STPG2: variants seen among roughly 807,000 people sequenced by gnomAD.
STPG2 encodes the protein sperm tail PG-rich repeat containing 2, also known as sperm-tail PG-rich repeat-containing protein 2.
STPG2 carries 56 observed loss-of-function variants against 54.2 expected under a neutral mutation model. That is an observed-to-expected ratio of 1.03 (90% confidence interval 0.83 to 1.29). STPG2 has a LOEUF of 1.29. Among genes scored for constraint, STPG2 ranks in the 50% most tolerant of loss-of-function variants. The probability of loss-of-function intolerance (pLI) is 0.00; values close to 1 mark genes in which losing one functional copy is unlikely to be tolerated. For synonymous variants in STPG2, 200 were observed against 181.8 expected (o/e 1.10, Z -0.81); for missense variants, 596 against 544.9 (o/e 1.09, Z -0.93).
In STPG2 at chr4:98,036,210, G is replaced by A. The variant is rs181663215; in HGVS notation, c.613-54892C>T. Among the ~76,000 whole-genome samples, 986 of 152,200 alleles carry A rather than the reference G, an allele frequency of 6.5e-3. 5 individuals are homozygous for A. The highest frequency in any genetic ancestry group is 9.6e-3 in the Non-Finnish European group (655 of 68,002). The stretch of plus-strand genomic sequence containing the variant: ...AGGAACACTTATACACTGTTGGTGC[G>A]ACTGTAAATTAGTTCAGCCATTGTG... On this transcript the variant is annotated intron_variant, in intron 5 of 10. Transcript: ENST00000295268.
chr4:97,805,493 G>A (rs565881980), intron 9 of STPG2, among the ~76,000 whole-genome samples: 2 of 152,174 alleles, frequency 1.3e-5, no homozygotes, highest in Non-Finnish European at 2.9e-5. Context: ...TTACAGGCGT[G>A]AGCCACCGCA....
chr4:97,628,464 A>G lies in STPG2; in HGVS notation c.1321-69347T>C, dbSNP rs146748444. Among the ~76,000 whole-genome samples the G allele has an allele frequency of 7.4e-3, 1,125 of 152,288 alleles. 11 individuals carry two copies. Among genetic ancestry groups the G allele is most frequent in the Non-Finnish European group, 0.011 (729 of 67,990 alleles). ...TTACCAAAACTAAACTGAAAGTTTG[A>G]AAGTCTGAAGAAATGGAAACTAAAT... On this transcript the variant is annotated intron_variant, in intron 10 of 10. Coordinates refer to ENST00000295268, the MANE Select transcript of STPG2 (RefSeq NM_174952.3).
intron 5 of STPG2, among the ~76,000 whole-genome samples, chr4:98,076,333 C>G (rs1220462201): frequency 8.4e-6 from 1 of 119,388 alleles, no homozygotes; most frequent in African/African-American, 3.3e-5. Flanking sequence ...CCAGATTAAT[C>G]TGTAAAAGTC....
rs1453881737 is a variant in STPG2 at position 97,686,322 on chromosome 4, T to A, written c.1320+26377A>T. Among the ~76,000 whole-genome samples the A allele has an allele frequency of 4.6e-5, 7 of 152,032 alleles. 1 individual carries two copies. On this transcript the variant is annotated intron_variant, in intron 10 of 10. Coordinates refer to ENST00000295268, the MANE Select transcript of STPG2 (RefSeq NM_174952.3). ...TATTGATCCTGGAGGGCTCATTTGATTTTTTGCCCCACACCCGTAGGAAAC... is the reference window on the plus strand; with the variant it reads ...TATTGATCCTGGAGGGCTCATTTGAATTTTTGCCCCACACCCGTAGGAAAC...
rs1455966743 is a variant in STPG2 at position 97,736,259 on chromosome 4, C to T, written c.1205-23445G>A. ...ATGGCCGAATAGGAACAGCTCCAGTCTACAGCTACCAGTGTGAGCGACGCA... is the reference window on the plus strand; with the variant it reads ...ATGGCCGAATAGGAACAGCTCCAGTTTACAGCTACCAGTGTGAGCGACGCA... On this transcript the variant is annotated intron_variant, in intron 9 of 10. Coordinates refer to ENST00000295268, the MANE Select transcript of STPG2 (RefSeq NM_174952.3). Among the ~76,000 whole-genome samples, 7 of 152,212 alleles carry T rather than the reference C, an allele frequency of 4.6e-5. No individual in the cohort carries two copies. The East Asian group carries it at 1.2e-3, about 25-fold the overall frequency.
At chr4:97,521,325 C>A (rs185988027) in intron 4 of STPG2, among the ~76,000 whole-genome samples, 1 of 151,856 alleles carries the variant, frequency 6.6e-6, no homozygotes, top group African/African-American at 2.4e-5. Flanking sequence ...AGAAATTTGC[C>A]GGGTCAATCT....
intron 5 of STPG2, among the ~76,000 whole-genome samples, chr4:98,071,796 A>G (rs976539939): frequency 6.6e-6 from 1 of 152,354 alleles, no homozygotes; most frequent in Non-Finnish European, 1.5e-5. Context: ...GTCAACAAAC[A>G]TATGAAAAAA....
At chr4:97,514,520 A>C (rs1731035767) in intron 4 of STPG2, among the ~76,000 whole-genome samples, 1 of 152,140 alleles carries the variant, frequency 6.6e-6, no homozygotes, top group African/African-American at 2.4e-5. Flanking sequence ...AAGAAAAAGT[A>C]AATTGCATTT....
chr4:97,629,053 T>G (rs1217053760), intron 10 of STPG2, among the ~76,000 whole-genome samples: 1 of 152,024 alleles, frequency 6.6e-6, no homozygotes, highest in Non-Finnish European at 1.5e-5. Flanking sequence ...TATTCATTTG[T>G]ATATGCATAA....
chr4:97,726,639 C>T (rs1199955282), intron 9 of STPG2, among the ~76,000 whole-genome samples: 2 of 151,862 alleles, frequency 1.3e-5, no homozygotes, highest in East Asian at 3.9e-4. Context: ...TTTGGTGCCA[C>T]AGAAAGAAAA....
chr4:97,932,973 T>C (rs574869068), intron 8 of STPG2, among the ~76,000 whole-genome samples: 1 of 152,294 alleles, frequency 6.6e-6, no homozygotes, highest in South Asian at 2.1e-4. Flanking sequence ...AACTAATTTA[T>C]ATTCCCACCA....
At chr4:97,901,239 A>G (rs1185112476) in intron 8 of STPG2, among the ~76,000 whole-genome samples, 2 of 151,996 alleles carry the variant, frequency 1.3e-5, no homozygotes, top group Non-Finnish European at 2.9e-5. Context: ...CATCATACTC[A>G]ATGGGGAAAA....
chr4:97,495,714 A>G (rs1386509995), intron 4 of STPG2, among the ~76,000 whole-genome samples: 3 of 150,434 alleles, frequency 2.0e-5, no homozygotes, highest in African/African-American at 7.3e-5. Context: ...TCAAGACAAA[A>G]AAAAAAAAAA....
intron 10 of STPG2, among the ~76,000 whole-genome samples, chr4:97,603,599 A>G (rs1317278299): frequency 6.6e-6 from 1 of 151,414 alleles, no homozygotes; most frequent in Non-Finnish European, 1.5e-5. Flanking sequence ...AATGTGATAT[A>G]TCTATATATA....
chr4:97,507,599 T>C (rs914238066), intron 4 of STPG2, among the ~76,000 whole-genome samples: 4 of 152,054 alleles, frequency 2.6e-5, no homozygotes, highest in African/African-American at 7.2e-5. Context: ...CTGCAAGCCC[T>C]AGTGGGTCCC....
At chr4:97,910,227 G>A (rs1731626076) in intron 8 of STPG2, among the ~76,000 whole-genome samples, 1 of 152,204 alleles carries the variant, frequency 6.6e-6, no homozygotes, top group Non-Finnish European at 1.5e-5. Flanking sequence ...GCAGAGCCAT[G>A]TCATCGAACT....
chr4:97,457,398 C>A (rs1729555876), intron 4 of STPG2, among the ~76,000 whole-genome samples: 1 of 152,234 alleles, frequency 6.6e-6, no homozygotes, highest in African/African-American at 2.4e-5. Context: ...AAACCAAACC[C>A]AACTCAGTGT....
chr4:97,678,002 A>G (rs1015952472), intron 10 of STPG2, among the ~76,000 whole-genome samples: 30 of 152,282 alleles, frequency 2.0e-4, no homozygotes, highest in African/African-American at 6.5e-4. Flanking sequence ...ATACATCATT[A>G]AATACTGTTC....
intron 9 of STPG2, among the ~76,000 whole-genome samples, chr4:97,831,697 G>T (rs1318434228): frequency 6.6e-6 from 1 of 152,132 alleles, no homozygotes; most frequent in Non-Finnish European, 1.5e-5. Flanking sequence ...TATCACCACT[G>T]ATCCCACAAA....
Sources: gnomAD v4.1 joint callset for allele counts (sites outside exome capture counted in the v4.1 genomes callset) on GRCh38, gnomAD v4.1.1 for gene constraint, MANE v1.5 for transcripts, NCBI Gene and HGNC (gene_info 2026-07-23, HGNC 2026-07-21) for gene names.